USP9X: variants seen among roughly 807,000 people sequenced by gnomAD.
The protein encoded by USP9X is ubiquitin carboxyl-terminal hydrolase 9X.
Under a neutral mutation model 190.3 loss-of-function variants are expected in USP9X, and 7 were observed. The observed-to-expected ratio is 0.04, with a 90% CI of 0.02 to 0.07. The LOEUF (loss-of-function observed/expected upper bound fraction) is 0.07. Among genes scored for constraint, USP9X ranks in the 10% least tolerant of loss-of-function variants. The pLI, the probability that USP9X is intolerant of heterozygous loss-of-function variation, is 1.00. For missense variants in USP9X, 1,010 were observed against 1,916.9 expected (o/e 0.53, Z 8.83); for synonymous variants, 645 against 659.5 (o/e 0.98, Z 0.34).
intron 30 of USP9X, among the ~76,000 whole-genome samples, chrX:41,199,790 C>T (rs6520735): frequency 0.13 from 14,751 of 110,820 alleles, 895 homozygotes; most frequent in East Asian, 0.22. Flanking sequence ...TTAGAAGTTC[C>T]GTAACGTTAT....
chrX:41,160,717 G>T (rs1023172364), intron 14 of USP9X, among the ~76,000 whole-genome samples: 1 of 111,901 alleles, frequency 8.9e-6, no homozygotes, highest in Non-Finnish European at 1.9e-5. Flanking sequence ...TGGCATGGAA[G>T]CCCAAATTGA....
intron 26 of USP9X, chrX:41,189,879 G>A (rs1361149222): frequency 8.7e-6 from 1 of 115,522 alleles, no homozygotes; most frequent in Non-Finnish European, 1.8e-5. Context: ...AAGAACTTTT[G>A]CAGTTTACAC....
intron 1 of USP9X, among the ~76,000 whole-genome samples, chrX:41,117,793 TC>T (rs1354746646): frequency 9.2e-6 from 1 of 108,808 alleles, no homozygotes; most frequent in Non-Finnish European, 1.9e-5. Context: ...TCTCCTGACC[TC>T]GTGATCCGCA....
At chrX:41,166,877 AAC>A (rs2062682855) in intron 16 of USP9X, among the ~76,000 whole-genome samples, 1 of 111,974 alleles carries the variant, frequency 8.9e-6, no homozygotes, top group Non-Finnish European at 1.9e-5. Context: ...TAACAGCAGA[AAC>A]ACATCTTAAA....
At chrX:41,181,435 C>CCT (rs1194811241) in intron 21 of USP9X, among the ~76,000 whole-genome samples, 9 of 38,575 alleles carry the variant, frequency 2.3e-4, no homozygotes, top group South Asian at 1.5e-3. Flanking sequence ...CCACACCTGA[C>CCT]TTTTTTTTTT....
intron 17 of USP9X, 43 bp downstream of exon 17, chrX:41,167,620 C>CG (rs1569177299): frequency 1.0e-6 from 1 of 989,441 alleles, no homozygotes. Context: ...ATAATTCTTT[C>CG]GGCCCCCATT....
intron 15 of USP9X, 96 bp from the exon 16 acceptor site, chrX:41,165,776 T>A: frequency 3.0e-6 from 2 of 675,805 alleles, no homozygotes; most frequent in Non-Finnish European, 4.4e-6. Flanking sequence ...ATAGTTAAAA[T>A]ATAATGGTGA....
At position 41,232,613 on chromosome X, in the gene USP9X, A is replaced by G. The variant is rs1602061292; in HGVS notation, c.*89A>G. 5 of 1,069,464 alleles carry G rather than the reference A, an allele frequency of 4.7e-6. 1 individual carries two copies. In the East Asian group the frequency reaches 1.5e-4, roughly 33 times the overall value. The allele number at this position is 1,069,464 out of a possible 1,213,427, so 88.1% of individuals were successfully genotyped here. ...CTGTGTCTGGCTAATATTTAAAACT[A>G]GAAAAACTATTCCTAATCAACATGG... On this transcript the variant is annotated 3_prime_UTR_variant, in exon 45 of 45. Coordinates refer to ENST00000378308, the MANE Select transcript of USP9X (RefSeq NM_001039591.3).
intron 32 of USP9X, among the ~76,000 whole-genome samples, chrX:41,209,562 A>T (rs2063141017): frequency 8.9e-6 from 1 of 111,908 alleles, no homozygotes; most frequent in African/African-American, 3.2e-5. Flanking sequence ...TCTCCTTTAT[A>T]AAGGGTACCT....
intron 21 of USP9X, among the ~76,000 whole-genome samples, chrX:41,172,621 G>A (rs991635082): frequency 8.9e-6 from 1 of 111,915 alleles, no homozygotes; most frequent in African/African-American, 3.2e-5. Context: ...CAACATCTAC[G>A]TTTCCAAGAT....
chrX:41,102,601 C>T (rs1025800884), intron 1 of USP9X, among the ~76,000 whole-genome samples: 7 of 110,973 alleles, frequency 6.3e-5, no homozygotes, highest in Non-Finnish European at 1.1e-4. Context: ...CAAGTCTGGG[C>T]GACAGAACGA....
At chrX:41,144,359 A>G (rs929928437) in intron 10 of USP9X, among the ~76,000 whole-genome samples, 163 bp from the exon 11 acceptor site, 2 of 109,029 alleles carry the variant, frequency 1.8e-5, no homozygotes, top group African/African-American at 6.7e-5. Flanking sequence ...AGGTGGGATT[A>G]TAGGCATTTG....
intron 21 of USP9X, among the ~76,000 whole-genome samples, chrX:41,179,309 T>C (rs940208261): frequency 8.9e-6 from 1 of 112,090 alleles, no homozygotes; most frequent in Non-Finnish European, 1.9e-5. Context: ...TAATTGGTAT[T>C]TTAATAGAGA....
intron 32 of USP9X, 62 bp from the exon 33 acceptor site, chrX:41,210,447 T>C (rs2063148178): frequency 3.6e-6 from 4 of 1,116,286 alleles, no homozygotes; most frequent in East Asian, 3.0e-5. Context: ...CTGAAAAATA[T>C]AGTTGTACAT....
At chrX:41,215,863 A>G (rs951721753) in intron 34 of USP9X, 36 bp from the exon 35 acceptor site, 17 of 1,154,529 alleles carry the variant, frequency 1.5e-5, no homozygotes, top group African/African-American at 7.4e-5. Flanking sequence ...GTGGATTTTA[A>G]TAGAACATCT....
chrX:41,143,257 C>G (rs1416042206), intron 9 of USP9X, 34 bp from the exon 10 acceptor site: 15 of 1,044,683 alleles, frequency 1.4e-5, no homozygotes. Context: ...GTTTTAATTT[C>G]TGCTTTCAAA....
At chrX:41,197,331 T>TCCCCCCCCCTCCCCC in intron 28 of USP9X, 33 bp from the exon 29 acceptor site, 1 of 486,767 alleles carries the variant, frequency 2.1e-6, no homozygotes, top group Non-Finnish European at 2.9e-6. Context: ...TTTGATTTCT[T>TCCCCCCCCCTCCCCC]CCCCCCCCCA....
rs761879660 is a variant in USP9X at position 41,163,750 on chromosome X, A to T, written c.1985+873A>T. ...ACCCTGTCTCAAAAAAAAAAAAAAA[A>T]TTTTTTTTTTAAATGAGAGGTTCCT... is the stretch of plus-strand genomic sequence containing the variant. On this transcript the variant is annotated intron_variant, in intron 15 of 44. Transcript: ENST00000378308. 5.2e-3 allele frequency among the ~76,000 whole-genome samples: 561 copies of T among 107,068 alleles called. 5 individuals are homozygous for T. Among genetic ancestry groups the T allele is most frequent in the African/African-American group, 0.018 (519 of 29,303 alleles). 93.0% of individuals were successfully genotyped at this position (107,068 alleles called of 115,157 possible).
chrX:41,117,184 C>G (rs1185216660), intron 1 of USP9X, among the ~76,000 whole-genome samples: 1 of 111,678 alleles, frequency 9.0e-6, no homozygotes, highest in Non-Finnish European at 1.9e-5. Context: ...ATTGAGTGTC[C>G]TGTCATAAGC....
Sources: allele counts gnomAD v4.1 joint callset (sites outside exome capture counted in the v4.1 genomes callset), GRCh38; gene constraint gnomAD v4.1.1; transcripts MANE v1.5; gene names NCBI Gene and HGNC (gene_info 2026-07-23, HGNC 2026-07-21).